The following OR9Q1 variants were observed in gnomAD, a reference collection of about 807,000 sequenced individuals.
OR9Q1 encodes olfactory receptor family 9 subfamily Q member 1.
For missense variants in OR9Q1, 374 were observed against 378.8 expected, an observed-to-expected ratio of 0.99 and a Z score of 0.11; for synonymous variants, 153 against 148.6, an observed-to-expected ratio of 1.03 and a Z score of -0.22.
At chr11:58,121,715 A>G (rs1854034413) in intron 2 of OR9Q1, among the ~76,000 whole-genome samples, 1 of 152,224 alleles carries the variant, frequency 6.6e-6, no homozygotes, top group Non-Finnish European at 1.5e-5. Context: ...GATTGTTAAG[A>G]AACTCTTTTC....
chr11:58,047,162 G>T (rs1427092308), intron 1 of OR9Q1: 1 of 152,158 alleles, frequency 6.6e-6, no homozygotes, highest in African/African-American at 2.4e-5. Flanking sequence ...GAGTTTGGAA[G>T]GTTTTATTTA....
intron 2 of OR9Q1, among the ~76,000 whole-genome samples, chr11:58,142,492 A>G (rs770503593): frequency 3.9e-5 from 6 of 152,120 alleles, no homozygotes; most frequent in Non-Finnish European, 8.8e-5. Context: ...CTAAATATTT[A>G]CCCTATCAAG....
chr11:58,120,803 C>CATATATATATATATATATAT (rs61634454), intron 2 of OR9Q1, among the ~76,000 whole-genome samples: 137 of 132,628 alleles, frequency 1.0e-3, no homozygotes, highest in Non-Finnish European at 1.2e-3. Flanking sequence ...ATTTCAATAC[C>CATATATATATATATATATAT]ATATATATAT....
At chr11:58,031,905 G>A (rs1284967564) in intron 1 of OR9Q1, 1 of 1,587,036 alleles carries the variant, frequency 6.3e-7, no homozygotes, top group East Asian at 2.2e-5. Context: ...AAGGGACAGT[G>A]AGGAGGCAGG....
intron 2 of OR9Q1, among the ~76,000 whole-genome samples, chr11:58,113,045 CAGCCTCAGCTCTGGAAG>C (rs1392067200): frequency 3.3e-5 from 5 of 152,100 alleles, no homozygotes; most frequent in Non-Finnish European, 7.4e-5. Context: ...CTATGTTCCT[CAGCCTCAGCTCTGGAAG>C]AGCTGTCTCA....
At chr11:58,131,792 A>G (rs1453611026) in intron 2 of OR9Q1, among the ~76,000 whole-genome samples, 1 of 152,156 alleles carries the variant, frequency 6.6e-6, no homozygotes, top group Admixed American at 6.6e-5. Flanking sequence ...AGGAGTCTCA[A>G]TACTTTTCAG....
intron 1 of OR9Q1, chr11:58,031,956 T>G (rs375260604): frequency 9.2e-7 from 1 of 1,088,010 alleles, no homozygotes; most frequent in Non-Finnish European, 1.4e-6. Flanking sequence ...TAAAAACAGG[T>G]TAGTCAATAA....
chr11:58,025,018 C>T (rs537823209), intron 1 of OR9Q1, among the ~76,000 whole-genome samples: 6 of 152,306 alleles, frequency 3.9e-5, no homozygotes, highest in Non-Finnish European at 5.9e-5. Context: ...AGTTTACTTA[C>T]TGTCTCTCTG....
At chr11:58,057,033 C>T (rs140301686) in intron 2 of OR9Q1, among the ~76,000 whole-genome samples, 2,563 of 140,614 alleles carry the variant, frequency 0.018, 39 homozygotes, top group Non-Finnish European at 0.029. Flanking sequence ...CTCACTCTGT[C>T]ACCCAAGCTG....
At chr11:58,138,647 A>G (rs1406766932) in intron 2 of OR9Q1, among the ~76,000 whole-genome samples, 1 of 152,104 alleles carries the variant, frequency 6.6e-6, no homozygotes, top group Non-Finnish European at 1.5e-5. Context: ...GTGTATTTTT[A>G]TTATTTTTAA....
chr11:58,129,532 A>G (rs182677103), intron 2 of OR9Q1, among the ~76,000 whole-genome samples: 399 of 145,940 alleles, frequency 2.7e-3, no homozygotes, highest in African/African-American at 0.01. Context: ...TCTACCCCCA[A>G]CCTCCCTCTG....
At chr11:58,028,849 T>A (rs1455707663) in intron 1 of OR9Q1, among the ~76,000 whole-genome samples, 29 of 152,232 alleles carry the variant, frequency 1.9e-4, no homozygotes, top group Admixed American at 1.9e-3. Context: ...TTTTTATCTC[T>A]ACATGCTTTC....
At chr11:58,064,526 C>A (rs1853410095) in intron 2 of OR9Q1, among the ~76,000 whole-genome samples, 1 of 152,076 alleles carries the variant, frequency 6.6e-6, no homozygotes. Context: ...CCAACCACGC[C>A]CAGGAGATGT....
intron 2 of OR9Q1, among the ~76,000 whole-genome samples, chr11:58,166,382 C>A (rs1435457801): frequency 6.6e-6 from 1 of 152,110 alleles, no homozygotes; most frequent in Non-Finnish European, 1.5e-5. Flanking sequence ...ACTCATCAAA[C>A]ATTTATTTAC....
chr11:58,126,971 A>G (rs7130381), intron 2 of OR9Q1, among the ~76,000 whole-genome samples: 38,915 of 152,076 alleles, frequency 0.26, 5,446 homozygotes, highest in Middle Eastern at 0.41. Flanking sequence ...TAAGCATTTC[A>G]CCAGAGTCTT....
At chr11:58,101,276 T>C (rs1322067211) in intron 2 of OR9Q1, among the ~76,000 whole-genome samples, 1 of 152,198 alleles carries the variant, frequency 6.6e-6, no homozygotes, top group Non-Finnish European at 1.5e-5. Flanking sequence ...CATTCCTTTT[T>C]TGCCACATCC....
intron 2 of OR9Q1, among the ~76,000 whole-genome samples, chr11:58,166,390 T>C (rs866823174): frequency 6.6e-6 from 1 of 152,234 alleles, no homozygotes; most frequent in African/African-American, 2.4e-5. Flanking sequence ...AACATTTATT[T>C]ACTTTTTGTA....
intron 2 of OR9Q1, chr11:58,077,430 AG>A (rs1853548077): frequency 6.6e-6 from 1 of 152,222 alleles, no homozygotes; most frequent in African/African-American, 2.4e-5. Context: ...TTGGATCAAA[AG>A]TTCTAGCATA....
intron 1 of OR9Q1, among the ~76,000 whole-genome samples, chr11:58,048,376 T>C (rs928344006): frequency 4.0e-5 from 6 of 151,894 alleles, no homozygotes. Flanking sequence ...ATTATTTCAA[T>C]ATATCAATTA....
Sources: allele counts gnomAD v4.1 joint callset (sites outside exome capture counted in the v4.1 genomes callset), GRCh38; gene constraint gnomAD v4.1.1; transcripts MANE v1.5; gene names NCBI Gene and HGNC (gene_info 2026-07-23, HGNC 2026-07-21).